Variants in WDR81 observed in about 807,000 individuals in gnomAD.
WDR81 encodes the protein WD repeat-containing protein 81.
A neutral mutation model predicts 140.8 loss-of-function variants in WDR81; 92 were observed. The observed-to-expected ratio is 0.65, with a 90% CI of 0.55 to 0.78. WDR81 has a LOEUF of 0.78. Ranked by LOEUF, WDR81 falls within the 30% of genes least tolerant of loss-of-function variation. The probability of loss-of-function intolerance (pLI) is 0.00; values close to 1 mark genes in which losing one functional copy is unlikely to be tolerated. For synonymous variants in WDR81, 1,183 were observed against 1,156.4 expected (o/e 1.02, Z -0.47); for missense variants, 2,502 against 2,636.4 (o/e 0.95, Z 1.12).
chr17:1,723,673 G>A (rs745750976), upstream of WDR81, among the ~76,000 whole-genome samples: 176 of 151,930 alleles, frequency 1.2e-3, 1 homozygote, highest in Middle Eastern at 3.4e-3. Context: ...TTTTAGTAGA[G>A]ACGGGGTTTC....
Position 1,728,523 on chromosome 17 carries a change from G to A in WDR81, c.3564G>A (p.Leu1188=). Reference sequence around the variant, plus strand: ...AGCTCACTCTGTCTGACACGGTGCTGTCCATGGAGACGGTTGTGGCCGGCG... The same window carrying A: ...AGCTCACTCTGTCTGACACGGTGCTATCCATGGAGACGGTTGTGGCCGGCG... ...ASELTLSDTV[L]SMETVVAGGS... The change falls in exon 1 of 10, where the codon CTG becomes CTA. Residue 1188 remains leucine, a synonymous_variant. Coordinates refer to ENST00000409644, the MANE Select transcript of WDR81 (RefSeq NM_001163809.2). 6.4e-7 allele frequency: 1 copy of A among 1,569,746 alleles called. No individual in the cohort carries two copies. The highest frequency in any genetic ancestry group is 8.7e-7 in the Non-Finnish European group (1 of 1,154,876).
At chr17:1,719,342 T>C (rs988074134) in intron 1 of WDR81, among the ~76,000 whole-genome samples, 29 of 139,138 alleles carry the variant, frequency 2.1e-4, no homozygotes, top group African/African-American at 7.4e-4. Context: ...GGTCAGGAGA[T>C]GGAGAACATC....
In WDR81 at chr17:1,738,477, C is replaced by T. The variant is rs1480087004; in HGVS notation, c.*792C>T. 6.5e-6 allele frequency: 1 copy of T among 152,790 alleles called. No homozygotes were observed. Among genetic ancestry groups the T allele is most frequent in the Non-Finnish European group, 1.5e-5 (1 of 68,364 alleles). The allele number at this position is 152,790 out of a possible 1,614,324, so 9.5% of individuals were successfully genotyped here. ...CTGCCAGAGGAAGACTTAAGCATCC[C>T]TGCGACCTCACATTCTAGACAGAGA... On this transcript the variant is annotated 3_prime_UTR_variant, in exon 10 of 10. Coordinates refer to ENST00000409644, the MANE Select transcript of WDR81 (RefSeq NM_001163809.2).
At position 1,728,681 on chromosome 17, in the gene WDR81, A is replaced by G. The variant is rs1915474043; in HGVS notation, c.3667+55A>G. On this transcript the variant is annotated intron_variant, in intron 1 of 9. Transcript: ENST00000409644. ...CAAAAACACCTCCTGCTGGCCGAGC[A>G]CAGTGGTTCACGCCTGTATTCCCAG... 8.3e-6 allele frequency: 12 copies of G among 1,441,162 alleles called. No homozygotes were observed. The Admixed American group carries it at 2.8e-4, about 34-fold the overall frequency. 89.3% of individuals were successfully genotyped at this position (1,441,162 alleles called of 1,614,324 possible). A position where few individuals can be genotyped will look rare whatever the true frequency, so the allele number is the denominator to read the frequency against.
upstream of WDR81, among the ~76,000 whole-genome samples, chr17:1,722,096 C>G (rs574239815): frequency 1.1e-4 from 17 of 152,092 alleles, 1 homozygote; most frequent in South Asian, 2.7e-3. Flanking sequence ...GCACTCCAGC[C>G]TGGGCAACAA....
Position 1,737,733 on chromosome 17 carries a change from G to T in WDR81, c.*48G>T, listed in dbSNP as rs375681186. 6.5e-7 allele frequency: 1 copy of T among 1,543,382 alleles called. No individual in the cohort carries two copies. Among genetic ancestry groups the T allele is most frequent in the Non-Finnish European group, 8.7e-7 (1 of 1,148,396 alleles). On this transcript the variant is annotated 3_prime_UTR_variant, in exon 10 of 10. Transcript: ENST00000409644. Reference sequence around the variant, plus strand: ...CAAGGGTGGGAAGACATCTGCGGGCGCGTGTCCACTCACCCTGTTCCCTGA... The same window carrying T: ...CAAGGGTGGGAAGACATCTGCGGGCTCGTGTCCACTCACCCTGTTCCCTGA...
chr17:1,717,539 T>C (rs1271442100), intron 1 of WDR81, among the ~76,000 whole-genome samples: 4 of 152,190 alleles, frequency 2.6e-5, no homozygotes, highest in Non-Finnish European at 5.9e-5. Flanking sequence ...TGAGCCTGCG[T>C]TCAGGACATT....
In WDR81 at chr17:1,728,634, C is replaced by G; in HGVS notation, c.3667+8C>G. 1 of 1,458,926 alleles carries G rather than the reference C, an allele frequency of 6.9e-7. No individual in the cohort carries two copies. The highest frequency in any genetic ancestry group is 9.1e-7 in the Non-Finnish European group (1 of 1,099,090). 90.4% of individuals were successfully genotyped at this position (1,458,926 alleles called of 1,614,324 possible). ...AACAGAAGATCCTCCTTGGTAAGTT[C>G]CCAGGTCTGGGAGGTGTTGGTCAAA... On this transcript the variant is annotated splice_region_variant and intron_variant, in intron 1 of 9. Transcript: ENST00000409644.
At position 1,725,926 on chromosome 17, in the gene WDR81, G is replaced by GAGGC; in HGVS notation, c.968_971dup (p.Ile326GlyfsTer87). On this transcript the variant is annotated frameshift_variant, in exon 1 of 10. Coordinates refer to ENST00000409644, the MANE Select transcript of WDR81 (RefSeq NM_001163809.2). LOFTEE classifies it high-confidence loss of function. ...TGAGGAGGCCCCTGTGGCAAGGGAT[G>GAGGC]AGGCGGGCATTGTGTCTCAAGAGGA... The GAGGC allele has an allele frequency of 6.4e-7, 1 of 1,550,828 alleles. No individual in the cohort carries two copies. Among genetic ancestry groups the GAGGC allele is most frequent in the Admixed American group, 2.0e-5 (1 of 51,004 alleles).
At chr17:1,732,637 G>A (rs1180914528) in intron 5 of WDR81, 29 bp from the exon 6 acceptor site, 23 of 1,583,686 alleles carry the variant, frequency 1.5e-5, no homozygotes, top group Admixed American at 1.2e-4. Context: ...CTGTGGACCC[G>A]GCTGACCCCC....
At chr17:1,722,691 C>G (rs537589998), upstream of WDR81, among the ~76,000 whole-genome samples, 1 of 117,648 alleles carries the variant, frequency 8.5e-6, no homozygotes, top group East Asian at 2.9e-4. Context: ...TCTTTTCTTT[C>G]TTTCTTTTTT....
In WDR81 at chr17:1,719,552, A is replaced by G. The variant is rs1422586376; in HGVS notation, c.-124+2919A>G. On this transcript the variant is annotated intron_variant, in intron 1 of 10. Coordinates refer to the WDR81 transcript ENST00000309182. ...TGACAGAGCAAGACTCCGTCTCAAAAAAAGAAAAAAAAAAAAAAATTAAAA... is the reference window on the plus strand; with the variant it reads ...TGACAGAGCAAGACTCCGTCTCAAAGAAAGAAAAAAAAAAAAAAATTAAAA... 6.4e-5 allele frequency among the ~76,000 whole-genome samples: 7 copies of G among 109,006 alleles called. No individual in the cohort carries two copies. The East Asian group carries it at 2.7e-3, about 42-fold the overall frequency. The allele number at this position is 109,006 out of a possible 152,430, so 71.5% of individuals were successfully genotyped here. A position where few individuals can be genotyped will look rare whatever the true frequency, so the allele number is the denominator to read the frequency against.
In WDR81 at chr17:1,735,559, C is replaced by T; in HGVS notation, c.5180-13C>T. The T allele has an allele frequency of 6.3e-7, 1 of 1,591,084 alleles. No individual in the cohort carries two copies. Among genetic ancestry groups the T allele is most frequent in the Non-Finnish European group, 8.6e-7 (1 of 1,167,468 alleles). ...TGCTGGGACCCCAGATCCACTGTGA[C>T]TTTCCTTCCCAGGGAAGACCCTTCG... is the stretch of plus-strand genomic sequence containing the variant. On this transcript the variant is annotated splice_polypyrimidine_tract_variant and intron_variant, in intron 7 of 9. Transcript: ENST00000409644. The surrounding 1 kb of genome is among the most constrained non-coding windows in gnomAD (Gnocchi z 4.2).
chr17:1,717,849 C>G (rs1914662047), intron 1 of WDR81, among the ~76,000 whole-genome samples: 1 of 152,152 alleles, frequency 6.6e-6, no homozygotes, highest in Admixed American at 6.6e-5. Flanking sequence ...TAAATTCAGA[C>G]TCTGTGGTCT....
In WDR81 at chr17:1,725,487, A is replaced by C; in HGVS notation, c.528A>C (p.Ser176=). 6.5e-7 allele frequency: 1 copy of C among 1,548,060 alleles called. No homozygotes were observed. Among genetic ancestry groups the C allele is most frequent in the Non-Finnish European group, 8.7e-7 (1 of 1,146,900 alleles). ...CCTCAGCTGTCCCTGCCTTGGACTC[A>C]GTACGGCAGGCTCTGCAGAGGGTCT... is the stretch of plus-strand genomic sequence containing the variant. ...PAPSAVPALD[S]VRQALQRVYG... Residue 176 remains serine (S), a synonymous_variant, in exon 1 of 10, where the codon TCA becomes TCC. Transcript: ENST00000409644.
rs867808401 is a variant in WDR81 at position 1,719,629 on chromosome 17, C to T, written c.-124+2996C>T. ...CTGTAATCCCAGCACTTTGGGAGGCCGAAGCAGGTGGATCACTTTGAGCCC... is the reference window on the plus strand; with the variant it reads ...CTGTAATCCCAGCACTTTGGGAGGCTGAAGCAGGTGGATCACTTTGAGCCC... On this transcript the variant is annotated intron_variant, in intron 1 of 10. Transcript: ENST00000309182. Among the ~76,000 whole-genome samples, 14 of 151,538 alleles carry T rather than the reference C, an allele frequency of 9.2e-5. No individual in the cohort carries two copies. The Middle Eastern group carries it at 0.014, about 149-fold the overall frequency.
At position 1,725,339 on chromosome 17, in the gene WDR81, A is replaced by G. The variant is rs1915163021; in HGVS notation, c.380A>G (p.Asp127Gly). The change falls in exon 1 of 10, where the codon GAC becomes GGC. Residue 127 changes from aspartate to glycine, a missense_variant. Asp to Gly is a moderately conservative substitution (Grantham distance 94). This residue lies in a region of WDR81 where 547 missense variants were observed against 513.8 expected (regional missense o/e 1.06). Transcript: ENST00000409644. The stretch of plus-strand genomic sequence containing the variant: ...CTGGGCGGGGGCCTGCCCTTTGAGG[A>G]CGGGTCCTGCGGCCCTGAGACCCTC... ...YPLGGGLPFE[D>G]GSCGPETLTR... 6.5e-7 allele frequency: 1 copy of G among 1,548,968 alleles called. No individual in the cohort carries two copies. Among genetic ancestry groups the G allele is most frequent in the African/African-American group, 1.4e-5 (1 of 73,064 alleles).
Position 1,727,946 on chromosome 17 carries a change from G to A in WDR81, c.2987G>A (p.Gly996Asp), listed in dbSNP as rs1340629576. The A allele has an allele frequency of 1.3e-6, 2 of 1,550,364 alleles. No individual in the cohort carries two copies. Among genetic ancestry groups the A allele is most frequent in the Non-Finnish European group, 1.7e-6 (2 of 1,147,008 alleles). The change falls in exon 1 of 10, where the codon GGC (glycine) becomes GAC (aspartate). Residue 996 changes from glycine (G) to aspartate (D), a missense_variant. Around this residue, in one of 3 missense-constraint regions of WDR81, gnomAD observed 1,737 missense variants for 1,843.0 expected, o/e 0.94. Transcript: ENST00000409644. ...GTGGCCCAGCTGATGGTGCGGCTGG[G>A]CCTGCAGGCATTTCTCACTCACCTG... ...CFVAQLMVRL[G>D]LQAFLTHLLP...
At chr17:1,716,739 C>T (rs1914583965) in intron 1 of WDR81, 60 of 1,284,260 alleles carry the variant, frequency 4.7e-5, no homozygotes, top group Non-Finnish European at 6.5e-5. Flanking sequence ...TAGACATTCC[C>T]CAAACTGACT....
Sources: allele counts gnomAD v4.1 joint callset (sites outside exome capture counted in the v4.1 genomes callset), GRCh38; gene constraint gnomAD v4.1.1; regional missense constraint gnomAD v4.1.1; non-coding constraint Gnocchi (gnomAD v3.1); transcripts MANE v1.5; gene names NCBI Gene and HGNC (gene_info 2026-07-23, HGNC 2026-07-21).